The following SAE1 variants were observed in gnomAD, a reference collection of about 807,000 sequenced individuals.
SAE1 encodes the protein SUMO1 activating enzyme subunit 1, also known as SUMO-activating enzyme subunit 1.
A neutral mutation model predicts 40.6 loss-of-function variants in SAE1; 11 were observed. The observed-to-expected ratio is 0.27, with a 90% CI of 0.17 to 0.45. The LOEUF (loss-of-function observed/expected upper bound fraction) is 0.45. Ranked by LOEUF, SAE1 falls within the 20% of genes least tolerant of loss-of-function variation. The pLI is 1.00. For synonymous variants in SAE1, 155 were observed against 154.3 expected, an observed-to-expected ratio of 1.00 and a Z score of -0.03; for missense variants, 373 against 427.3, an observed-to-expected ratio of 0.87 and a Z score of 1.12.
At chr19:47,184,208 C>T (rs117637056) in intron 6 of SAE1, among the ~76,000 whole-genome samples, 1,596 of 152,178 alleles carry the variant, frequency 0.01, 12 homozygotes, top group Non-Finnish European at 0.015. Flanking sequence ...GAGCCAAATC[C>T]ATTTTAAAGT....
At position 47,208,243 on chromosome 19, in the gene SAE1, T is replaced by G. The variant is rs546801713; in HGVS notation, c.949-916T>G. Among the ~76,000 whole-genome samples the G allele has an allele frequency of 2.0e-5, 3 of 152,200 alleles. No homozygotes were observed. In the East Asian group the frequency reaches 5.8e-4, roughly 29 times the overall value. ...CACAGTGTTAGTCATTGTTTTAGTT[T>G]TAAGGTGTTTTTTTGTTTGTTTGTT... On this transcript the variant is annotated intron_variant, in intron 8 of 8. Coordinates refer to ENST00000270225, the MANE Select transcript of SAE1 (RefSeq NM_005500.3).
At chr19:47,207,765 A>C (rs187886808) in intron 8 of SAE1, among the ~76,000 whole-genome samples, 1 of 151,838 alleles carries the variant, frequency 6.6e-6, no homozygotes, top group African/African-American at 2.4e-5. Context: ...TTCCTGAGGC[A>C]CTGAGACTAT....
At chr19:47,169,965 C>T (rs1449918033) in intron 6 of SAE1, 42 bp downstream of exon 6, 1 of 1,460,866 alleles carries the variant, frequency 6.8e-7, no homozygotes, top group Non-Finnish European at 9.6e-7. Flanking sequence ...GAGCTTTTGG[C>T]TCTGATTTCT....
chr19:47,204,495 G>A (rs760735806), intron 8 of SAE1, among the ~76,000 whole-genome samples: 1 of 125,430 alleles, frequency 8.0e-6, no homozygotes, highest in East Asian at 2.4e-4. Context: ...ACTGTACCCA[G>A]CCGCACCCCC....
At chr19:47,178,762 G>A (rs796161659) in intron 6 of SAE1, among the ~76,000 whole-genome samples, 5 of 152,310 alleles carry the variant, frequency 3.3e-5, no homozygotes, top group African/African-American at 7.2e-5. Flanking sequence ...ATGAGCCATC[G>A]TGCATAGCCT....
chr19:47,177,312 A>T (rs1258666330), intron 6 of SAE1, among the ~76,000 whole-genome samples: 1 of 152,232 alleles, frequency 6.6e-6, no homozygotes, highest in African/African-American at 2.4e-5. Context: ...GAGGACAGCT[A>T]TAACAGAGGG....
intron 6 of SAE1, among the ~76,000 whole-genome samples, chr19:47,180,889 G>C (rs757001219): frequency 2.6e-5 from 4 of 152,168 alleles, no homozygotes; most frequent in African/African-American, 4.8e-5. Context: ...TTGTACCTCA[G>C]CTGAGTGATG....
intron 5 of SAE1, among the ~76,000 whole-genome samples, chr19:47,166,345 A>G (rs573107456): frequency 6.6e-6 from 1 of 152,278 alleles, no homozygotes; most frequent in African/African-American, 2.4e-5. Context: ...GAAAATTTCA[A>G]ATTTGATCCA....
chr19:47,189,152 T>A (rs2058563016), intron 6 of SAE1, among the ~76,000 whole-genome samples: 1 of 152,142 alleles, frequency 6.6e-6, no homozygotes. Flanking sequence ...AAACAGGCTG[T>A]TGGATAAGAG....
chr19:47,178,060 G>C (rs1007632825), intron 6 of SAE1, among the ~76,000 whole-genome samples: 5 of 152,064 alleles, frequency 3.3e-5, no homozygotes, highest in African/African-American at 7.2e-5. Context: ...GGCCAACATA[G>C]TGAAACCCCA....
intron 7 of SAE1, among the ~76,000 whole-genome samples, chr19:47,199,623 A>T (rs527604236): frequency 6.6e-6 from 1 of 152,094 alleles, no homozygotes; most frequent in Non-Finnish European, 1.5e-5. Context: ...TGAATGCCCA[A>T]GTAGTCACTT....
At chr19:47,207,505 C>G (rs1440504074) in intron 8 of SAE1, among the ~76,000 whole-genome samples, 1 of 152,118 alleles carries the variant, frequency 6.6e-6, no homozygotes, top group Admixed American at 6.5e-5. Context: ...AATTTCAATC[C>G]TTTCTGGGTT....
At chr19:47,191,782 G>A (rs181374696) in intron 6 of SAE1, among the ~76,000 whole-genome samples, 16 of 152,170 alleles carry the variant, frequency 1.1e-4, no homozygotes, top group African/African-American at 3.1e-4. Context: ...TAGGCCGGGC[G>A]CGGTGGCTCA....
intron 5 of SAE1, among the ~76,000 whole-genome samples, chr19:47,168,053 C>T (rs1226414443): frequency 1.3e-5 from 2 of 151,936 alleles, no homozygotes; most frequent in African/African-American, 2.4e-5. Flanking sequence ...ATTAGCTGGG[C>T]GTGGTGGCAT....
chr19:47,198,096 G>C (rs2123313021), intron 7 of SAE1, among the ~76,000 whole-genome samples: 1 of 151,960 alleles, frequency 6.6e-6, no homozygotes, highest in East Asian at 1.9e-4. Context: ...TAGTGACTAG[G>C]TCACAATCTC....
chr19:47,131,450 TGGACTGGCCAACC>T (rs982135510), intron 1 of SAE1, among the ~76,000 whole-genome samples: 2 of 152,002 alleles, frequency 1.3e-5, no homozygotes, highest in African/African-American at 4.8e-5. Context: ...CAGGGGAGAC[TGGACTGGCCAACC>T]GGACAGACGG....
chr19:47,167,777 AAT>A (rs2058403462), intron 5 of SAE1, among the ~76,000 whole-genome samples: 1 of 152,060 alleles, frequency 6.6e-6, no homozygotes, highest in Non-Finnish European at 1.5e-5. Context: ...ACCTTTTTAA[AAT>A]ATAGAGACAC....
In SAE1 at chr19:47,194,656, G is replaced by A. The variant is rs187247923; in HGVS notation, c.734-2577G>A. Among the ~76,000 whole-genome samples the A allele has an allele frequency of 2.3e-3, 357 of 152,058 alleles. 3 individuals carry two copies. Among genetic ancestry groups the A allele is most frequent in the African/African-American group, 8.4e-3 (348 of 41,490 alleles). Reference sequence around the variant, plus strand: ...GCTGTGCCCTTTCCTTGGGCAGTATGTAGGGAACAAGAATGCCTGCCCGCC... The same window carrying A: ...GCTGTGCCCTTTCCTTGGGCAGTATATAGGGAACAAGAATGCCTGCCCGCC... On this transcript the variant is annotated intron_variant, in intron 6 of 8. Transcript: ENST00000270225.
intron 7 of SAE1, among the ~76,000 whole-genome samples, chr19:47,200,515 C>G (rs1036347598): frequency 6.7e-6 from 1 of 150,210 alleles, no homozygotes; most frequent in African/African-American, 2.5e-5. Context: ...AGCACATCTG[C>G]CTGAGTTAAA....
Sources: allele counts gnomAD v4.1 joint callset (sites outside exome capture counted in the v4.1 genomes callset), GRCh38; gene constraint gnomAD v4.1.1; transcripts MANE v1.5; gene names NCBI Gene and HGNC (gene_info 2026-07-23, HGNC 2026-07-21).